GJA8: variants seen among roughly 807,000 people sequenced by gnomAD.
GJA8 encodes gap junction alpha-8 protein.
A neutral mutation model predicts 15.3 loss-of-function variants in GJA8; 13 were observed. The observed-to-expected ratio is 0.85, with a 90% confidence interval of 0.55 to 1.35. The LOEUF (loss-of-function observed/expected upper bound fraction) is 1.35, where lower values mean the gene tolerates loss of function less well. Among genes scored for constraint, GJA8 ranks in the 40% most tolerant of loss-of-function variants. GJA8 has a pLI of 0.00. For synonymous variants in GJA8, 304 were observed against 238.7 expected (o/e 1.27, Z -2.52); for missense variants, 607 against 553.3 (o/e 1.10, Z -0.97).
At position 147,908,769 on chromosome 1, in the gene GJA8, G is replaced by A. The variant is rs1553242841; in HGVS notation, c.814G>A (p.Glu272Lys). 1.2e-6 allele frequency: 2 copies of A among 1,614,160 alleles called. No homozygotes were observed. Among genetic ancestry groups the A allele is most frequent in the Admixed American group, 1.7e-5 (1 of 60,028 alleles). ...CAAGGGCTATCAGCTCCTAGAAGAA[G>A]AGAAAATCGTTTCCCACTATTTCCC... ...KAKGYQLLEE[E>K]KIVSHYFPLT... is the part of the protein sequence containing the mutation. Residue 272 changes from glutamate (E) to lysine (K), a missense_variant, in exon 2 of 2, where the codon GAG becomes AAG. Transcript: ENST00000369235.
At chr1:147,907,852 GA>G in intron 1 of GJA8, 92 bp from the exon 2 acceptor site, 1 of 884,864 alleles carries the variant, frequency 1.1e-6, no homozygotes, top group South Asian at 1.3e-5. Context: ...TGGCAACTTG[GA>G]AAGGAGAGGT....
At position 147,909,188 on chromosome 1, in the gene GJA8, T is replaced by G. The variant is rs782005163; in HGVS notation, c.1233T>G (p.Asp411Glu). Residue 411 changes from aspartate to glutamate, a missense_variant, in exon 2 of 2, where the codon GAT (aspartate) becomes GAG (glutamate). Coordinates refer to ENST00000369235, the MANE Select transcript of GJA8 (RefSeq NM_005267.5). ...CACTCTGTCCAGAGCTGACAACAGA[T>G]GATGCCAGACCCCTGAGCAGGCTAA... ...TPSLCPELTT[D>E]DARPLSRLSK... The G allele has an allele frequency of 6.2e-7, 1 of 1,612,318 alleles. No individual in the cohort carries two copies. The highest frequency in any genetic ancestry group is 8.5e-7 in the Non-Finnish European group (1 of 1,179,774).
chr1:147,912,857 G>C (rs1179927675), downstream of GJA8, among the ~76,000 whole-genome samples: 1 of 150,474 alleles, frequency 6.6e-6, no homozygotes, highest in Non-Finnish European at 1.5e-5. Context: ...TTTTGAGCCT[G>C]GCTGTGTAAA....
downstream of GJA8, among the ~76,000 whole-genome samples, chr1:147,910,525 G>A (rs1652074315): frequency 6.6e-6 from 1 of 152,214 alleles, no homozygotes; most frequent in South Asian, 2.1e-4. Context: ...GGTACCATCA[G>A]AGAAAGAGAG....
chr1:147,909,317 C>A (rs1532399), downstream of GJA8: 309,797 of 1,215,198 alleles, frequency 0.25, 45,970 homozygotes, highest in African/African-American at 0.62. Flanking sequence ...ATGAAAGGAA[C>A]AGGTGCCAAC....
chr1:147,909,093 G>A lies in GJA8; in HGVS notation c.1138G>A (p.Glu380Lys). 2 of 1,612,750 alleles carry A rather than the reference G, an allele frequency of 1.2e-6. No individual in the cohort carries two copies. The highest frequency in any genetic ancestry group is 1.7e-6 in the Non-Finnish European group (2 of 1,179,336). Residue 380 changes from glutamate to lysine, a missense_variant, in exon 2 of 2, where the codon GAG becomes AAG. Glu to Lys is a moderately conservative substitution (Grantham distance 56, BLOSUM62 1). Coordinates refer to ENST00000369235, the MANE Select transcript of GJA8 (RefSeq NM_005267.5). ...AGTAGAGACCCCCGGAGTGGATAAG[G>A]AGGGTGAAAAAGAAGAGCCGCAGTC... is the stretch of plus-strand genomic sequence containing the variant. ...EKVETPGVDK[E>K]GEKEEPQSEK...
Position 147,903,934 on chromosome 1 carries a change from C to CTTTTTTTT in GJA8, c.-12+1081_-12+1088dup, listed in dbSNP as rs56033018. ...AGTTGTAGTTAGTAATTTAATAACT[C>CTTTTTTTT]TTTTTTTTTTTTTTTGAGACAGAGT... On this transcript the variant is annotated intron_variant, in intron 1 of 1. Transcript: ENST00000369235. Among the ~76,000 whole-genome samples the CTTTTTTTT allele has an allele frequency of 1.2e-4, 16 of 134,616 alleles. 1 individual carries two copies. The highest frequency in any genetic ancestry group is 3.3e-4 in the African/African-American group (12 of 35,880). The allele number at this position is 134,616 out of a possible 152,430, so 88.3% of individuals were successfully genotyped here.
intron 1 of GJA8, among the ~76,000 whole-genome samples, chr1:147,903,833 T>C (rs1553241920): frequency 1.3e-5 from 2 of 152,214 alleles, no homozygotes; most frequent in Non-Finnish European, 2.9e-5. Context: ...GCTTGTCTTT[T>C]ATTCTGAAGT....
rs1553243044 is a variant in GJA8, at chr1:147,909,169, G to C, written c.1214G>C (p.Cys405Ser). The C allele has an allele frequency of 2.5e-6, 4 of 1,611,696 alleles. No homozygotes were observed. The highest frequency in any genetic ancestry group is 1.7e-5 in the Admixed American group (1 of 59,908). Residue 405 changes from cysteine to serine, a missense_variant, in exon 2 of 2, where the codon TGT (cysteine) becomes TCT (serine). Physicochemically the swap from Cys to Ser is moderately radical, Grantham distance 112. Coordinates refer to ENST00000369235, the MANE Select transcript of GJA8 (RefSeq NM_005267.5). ...CCAGCTGAGAAGACACCTTCACTCT[G>C]TCCAGAGCTGACAACAGATGATGCC... ...GLPAEKTPSLCPELTTDDARP... is the reference protein window; with the variant it reads ...GLPAEKTPSLSPELTTDDARP...
At chr1:147,905,711 C>A (rs781922097) in intron 1 of GJA8, among the ~76,000 whole-genome samples, 3 of 152,178 alleles carry the variant, frequency 2.0e-5, no homozygotes, top group Non-Finnish European at 4.4e-5. Flanking sequence ...ACCACTCTTA[C>A]CAGGGCAATT....
At chr1:147,913,220 T>C (rs1311264323), downstream of GJA8, among the ~76,000 whole-genome samples, 1 of 152,038 alleles carries the variant, frequency 6.6e-6, no homozygotes, top group African/African-American at 2.4e-5. Context: ...TGGAAATAAA[T>C]GGAAAAGAAA....
chr1:147,905,465 G>C (rs184316907), intron 1 of GJA8, among the ~76,000 whole-genome samples: 4 of 152,314 alleles, frequency 2.6e-5, no homozygotes, highest in Non-Finnish European at 4.4e-5. Flanking sequence ...ATCAATGAGG[G>C]TAAGTATTAG....
Position 147,909,214 on chromosome 1 carries a change from G to C in GJA8, c.1259G>C (p.Ser420Thr). The change falls in exon 2 of 2, where the codon AGC becomes ACC. Residue 420 changes from serine to threonine, a missense_variant. Coordinates refer to ENST00000369235, the MANE Select transcript of GJA8 (RefSeq NM_005267.5). ...TDDARPLSRL[S>T]KASSRARSDD... ...GATGCCAGACCCCTGAGCAGGCTAA[G>C]CAAAGCCAGCAGCCGAGCCAGGTCA... 6.5e-7 allele frequency: 1 copy of C among 1,529,342 alleles called. No homozygotes were observed. The highest frequency in any genetic ancestry group is 8.9e-7 in the Non-Finnish European group (1 of 1,127,628). The allele number at this position is 1,529,342 out of a possible 1,614,324, so 94.7% of individuals were successfully genotyped here.
At chr1:147,907,904 T>C (rs1254522249) in intron 1 of GJA8, 41 bp from the exon 2 acceptor site, 53 of 1,401,740 alleles carry the variant, frequency 3.8e-5, no homozygotes, top group South Asian at 1.7e-4. Flanking sequence ...CAGGGTTGCA[T>C]TGCGGCCGCT....
At chr1:147,905,171 A>G (rs1480394598) in intron 1 of GJA8, among the ~76,000 whole-genome samples, 3 of 152,180 alleles carry the variant, frequency 2.0e-5, no homozygotes, top group Non-Finnish European at 4.4e-5. Context: ...GGTCTCTAGT[A>G]TTCATATTAC....
rs1255084767 is a variant in GJA8 at position 147,908,576 on chromosome 1, G to A, written c.621G>A (p.Leu207=). The A allele has an allele frequency of 6.2e-7, 1 of 1,614,146 alleles. No individual in the cohort carries two copies. Among genetic ancestry groups the A allele is most frequent in the Non-Finnish European group, 8.5e-7 (1 of 1,180,046 alleles). ...CCACGGAGAAAACCATCTTCATCCT[G>A]TTCATGTTGTCTGTGGCCTCTGTGT... The part of the protein sequence containing the change: ...SRPTEKTIFI[L]FMLSVASVSL... Residue 207 remains leucine, a synonymous_variant, in exon 2 of 2, where the codon CTG becomes CTA. Coordinates refer to ENST00000369235, the MANE Select transcript of GJA8 (RefSeq NM_005267.5).
At chr1:147,907,482 C>T (rs28498866) in intron 1 of GJA8, among the ~76,000 whole-genome samples, 24,526 of 152,134 alleles carry the variant, frequency 0.16, 2,440 homozygotes, top group Admixed American at 0.23. Context: ...CAATTTCATA[C>T]ATACAAGAAT....
intron 1 of GJA8, among the ~76,000 whole-genome samples, chr1:147,904,373 G>A (rs1651713476): frequency 6.6e-6 from 1 of 152,070 alleles, no homozygotes; most frequent in African/African-American, 2.4e-5. Flanking sequence ...CTTGTTATGA[G>A]GACTGAAATA....
downstream of GJA8, among the ~76,000 whole-genome samples, chr1:147,911,394 A>G (rs1553243448): frequency 6.6e-6 from 1 of 152,188 alleles, no homozygotes; most frequent in Admixed American, 6.5e-5. Context: ...CTAAAAATTA[A>G]ATTCATTCTA....
Sources: allele counts gnomAD v4.1 joint callset (sites outside exome capture counted in the v4.1 genomes callset), GRCh38; gene constraint gnomAD v4.1.1; transcripts MANE v1.5; gene names NCBI Gene and HGNC (gene_info 2026-07-23, HGNC 2026-07-21).